Variants in POU2F1 observed in about 807,000 individuals in gnomAD.
The protein encoded by POU2F1 is POU domain, class 2, transcription factor 1.
Under a neutral mutation model 84.9 loss-of-function variants are expected in POU2F1, and 16 were observed. That is an observed-to-expected ratio of 0.19 (90% CI 0.13 to 0.29). The LOEUF is 0.29. Ranked by LOEUF, POU2F1 falls within the 10% of genes least tolerant of loss-of-function variation. The pLI is 1.00. For synonymous variants in POU2F1, 368 were observed against 368.3 expected, an observed-to-expected ratio of 1.00 and a Z score of 0.01; for missense variants, 738 against 942.6, an observed-to-expected ratio of 0.78 and a Z score of 2.84.
chr1:167,267,693 G>A (rs1652073003), intron 1 of POU2F1, among the ~76,000 whole-genome samples: 1 of 140,682 alleles, frequency 7.1e-6, no homozygotes, highest in Non-Finnish European at 1.5e-5. Context: ...CCAGGCTGGA[G>A]TGCAGTGGTG....
At position 167,259,624 on chromosome 1, in the gene POU2F1, A is replaced by G. The variant is rs78624644; in HGVS notation, c.61+38666A>G. Among the ~76,000 whole-genome samples the G allele has an allele frequency of 1.0e-3, 157 of 152,252 alleles. 2 individuals are homozygous for G. The East Asian group carries it at 0.027, about 26-fold the overall frequency. ...GATAGAGTGCATGGACAAAATGTAC[A>G]GTACATATGTAAGCCTAGAAGTGGA... On this transcript the variant is annotated intron_variant, in intron 1 of 15. Transcript: ENST00000367866.
chr1:167,380,988 A>T (rs1271394863), intron 7 of POU2F1: 1 of 152,222 alleles, frequency 6.6e-6, no homozygotes, highest in Admixed American at 6.5e-5. Context: ...AATTATAAAA[A>T]TAATCAAAGA....
intron 1 of POU2F1, among the ~76,000 whole-genome samples, chr1:167,322,619 C>G (rs1396041208): frequency 6.6e-6 from 1 of 152,210 alleles, no homozygotes; most frequent in Non-Finnish European, 1.5e-5. Context: ...TTGCCGAGAC[C>G]AGGTCGGTCA....
chr1:167,331,536 A>T (rs1259252845), intron 1 of POU2F1, among the ~76,000 whole-genome samples: 3 of 152,098 alleles, frequency 2.0e-5, no homozygotes, highest in Non-Finnish European at 4.4e-5. Context: ...TTTGACAGTA[A>T]ACTTGTTTGA....
chr1:167,282,358 A>T (rs565374402), intron 1 of POU2F1, among the ~76,000 whole-genome samples: 4 of 151,976 alleles, frequency 2.6e-5, no homozygotes, highest in African/African-American at 9.7e-5. Flanking sequence ...GTTAGCCAGG[A>T]TGGTCTCGAT....
At chr1:167,297,301 A>G (rs753545049) in intron 1 of POU2F1, among the ~76,000 whole-genome samples, 12 of 152,198 alleles carry the variant, frequency 7.9e-5, no homozygotes, top group South Asian at 2.1e-4. Flanking sequence ...GCTTCAGACA[A>G]TTGGAACTGG....
intron 1 of POU2F1, among the ~76,000 whole-genome samples, chr1:167,295,121 C>CA (rs552247701): frequency 0.053 from 7,541 of 141,588 alleles, 272 homozygotes; most frequent in African/African-American, 0.1. Flanking sequence ...GACTCCATCT[C>CA]AAAAAAAAAA....
chr1:167,301,357 A>G (rs952113720), intron 1 of POU2F1, among the ~76,000 whole-genome samples: 3 of 152,276 alleles, frequency 2.0e-5, no homozygotes, highest in African/African-American at 7.2e-5. Context: ...TTGGACTAGC[A>G]GAAAATACCT....
Position 167,380,577 on chromosome 1 carries a change from A to G in POU2F1, c.719-3280A>G, listed in dbSNP as rs180860360. 168 of 152,364 alleles carry G rather than the reference A, an allele frequency of 1.1e-3. 1 individual carries two copies. Among genetic ancestry groups the G allele is most frequent in the African/African-American group, 3.9e-3 (162 of 41,586 alleles). The allele number at this position is 152,364 out of a possible 1,614,324, so 9.4% of individuals were successfully genotyped here. The stretch of plus-strand genomic sequence containing the variant: ...GGATCAGCGTAGTGGAAATACGTCT[A>G]TAAACATTTCTAAGAATTGAATTCA... On this transcript the variant is annotated intron_variant, in intron 7 of 15. Coordinates refer to ENST00000367866, the MANE Select transcript of POU2F1 (RefSeq NM_002697.4).
intron 8 of POU2F1, among the ~76,000 whole-genome samples, chr1:167,384,796 G>T (rs1647838675): frequency 6.6e-6 from 1 of 151,574 alleles, no homozygotes; most frequent in Admixed American, 6.6e-5. Flanking sequence ...CAGAAACAAG[G>T]CAAAGTGACC....
chr1:167,422,599 T>C lies in POU2F1; in HGVS notation c.*6789T>C, dbSNP rs1011101311. On this transcript the variant is annotated 3_prime_UTR_variant, in exon 16 of 16. Transcript: ENST00000367866. ...TGGGAACATGAATGAGAAATGATGCTGGCTTAGGAAAAATCACAAGCCCTT... is the reference window on the plus strand; with the variant it reads ...TGGGAACATGAATGAGAAATGATGCCGGCTTAGGAAAAATCACAAGCCCTT... 6.6e-6 allele frequency: 1 copy of C among 152,238 alleles called. No homozygotes were observed. The highest frequency in any genetic ancestry group is 2.4e-5 in the African/African-American group (1 of 41,464). 9.4% of individuals were successfully genotyped at this position (152,238 alleles called of 1,614,324 possible).
chr1:167,338,607 G>C (rs1657634924), intron 2 of POU2F1, among the ~76,000 whole-genome samples: 2 of 151,994 alleles, frequency 1.3e-5, no homozygotes, highest in South Asian at 4.2e-4. Context: ...AGAAGGGAGT[G>C]GTAATATTTT....
chr1:167,415,907 C>A lies in POU2F1; in HGVS notation c.*97C>A. 2 of 1,172,588 alleles carry A rather than the reference C, an allele frequency of 1.7e-6. No individual in the cohort carries two copies. The highest frequency in any genetic ancestry group is 2.4e-6 in the Non-Finnish European group (2 of 842,896). The allele number at this position is 1,172,588 out of a possible 1,614,324, so 72.6% of individuals were successfully genotyped here. On this transcript the variant is annotated 3_prime_UTR_variant, in exon 16 of 16. Coordinates refer to ENST00000367866, the MANE Select transcript of POU2F1 (RefSeq NM_002697.4). ...AACTGAAAAATGTGATTGGCTTCCT[C>A]TCGCCGTGTTGTGAGGGCAAAGGAG... is the stretch of plus-strand genomic sequence containing the variant.
chr1:167,327,306 T>C (rs552865759), intron 1 of POU2F1, among the ~76,000 whole-genome samples: 44 of 152,308 alleles, frequency 2.9e-4, no homozygotes, highest in African/African-American at 1.0e-3. Flanking sequence ...TATCATCATT[T>C]TATAGGTGAT....
At chr1:167,238,049 C>A (rs542500108) in intron 1 of POU2F1, among the ~76,000 whole-genome samples, 1 of 151,496 alleles carries the variant, frequency 6.6e-6, no homozygotes, top group East Asian at 1.9e-4. Flanking sequence ...CCCAAAGTGC[C>A]GGGATTACAG....
At chr1:167,350,686 A>AG (rs1553212632) in intron 2 of POU2F1, among the ~76,000 whole-genome samples, 1 of 151,484 alleles carries the variant, frequency 6.6e-6, no homozygotes, top group African/African-American at 2.4e-5. Flanking sequence ...AAAAAAAAAA[A>AG]AAAAGAAAAG....
At chr1:167,233,375 C>A (rs1173461542) in intron 1 of POU2F1, among the ~76,000 whole-genome samples, 1 of 151,606 alleles carries the variant, frequency 6.6e-6, no homozygotes, top group Non-Finnish European at 1.5e-5. Flanking sequence ...TGGACTCAAG[C>A]AGTCCTCTTG....
chr1:167,271,882 G>A (rs1458513092), intron 1 of POU2F1, among the ~76,000 whole-genome samples: 1 of 151,936 alleles, frequency 6.6e-6, no homozygotes, highest in Non-Finnish European at 1.5e-5. Context: ...TTTTTTTGTG[G>A]GGGAAAATAA....
At chr1:167,372,878 T>C (rs1414359996) in intron 5 of POU2F1, among the ~76,000 whole-genome samples, 1 of 152,144 alleles carries the variant, frequency 6.6e-6, no homozygotes, top group Non-Finnish European at 1.5e-5. Flanking sequence ...AGGAATAGTT[T>C]TTATTCAATT....
Sources: gnomAD v4.1 joint callset for allele counts (sites outside exome capture counted in the v4.1 genomes callset) on GRCh38, gnomAD v4.1.1 for gene constraint, MANE v1.5 for transcripts, NCBI Gene and HGNC (gene_info 2026-07-23, HGNC 2026-07-21) for gene names.